The following ELK4 variants were observed in gnomAD, a reference collection of about 807,000 sequenced individuals.
The protein encoded by ELK4 is ETS domain-containing protein Elk-4.
A neutral mutation model predicts 29.6 loss-of-function variants in ELK4; 16 were observed. That is an observed-to-expected ratio of 0.54 (90% CI 0.37 to 0.82). ELK4 has a LOEUF of 0.82. Ranked by LOEUF, ELK4 falls within the 40% of genes least tolerant of loss-of-function variation. The pLI, the probability that ELK4 is intolerant of heterozygous loss-of-function variation, is 0.00. For missense variants in ELK4, 465 were observed against 507.1 expected, an observed-to-expected ratio of 0.92 and a Z score of 0.80; for synonymous variants, 213 against 191.1, an observed-to-expected ratio of 1.11 and a Z score of -0.95.
At chr1:205,631,083 T>A (rs1453493953) in intron 1 of ELK4, among the ~76,000 whole-genome samples, 4 of 152,132 alleles carry the variant, frequency 2.6e-5, no homozygotes, top group African/African-American at 4.8e-5. Context: ...TTCCCAGGAA[T>A]GAAGTTACCA....
chr1:205,619,530 G>A, intron 3 of ELK4: 1 of 1,115,790 alleles, frequency 9.0e-7, no homozygotes, highest in Non-Finnish European at 1.1e-6. Context: ...TATGAGATGA[G>A]CAAGTTAATA....
chr1:205,609,176 C>T lies in ELK4; in HGVS notation c.*7370G>A, dbSNP rs753354049. The stretch of plus-strand genomic sequence containing the variant: ...TAGGAAGGTCTTCTTTAAAGAAGAT[C>T]GAGTAGGGCTCATGAAAAATTATTG... On this transcript the variant is annotated 3_prime_UTR_variant, in exon 5 of 5. Transcript: ENST00000357992. The T allele has an allele frequency of 1.6e-5, 3 of 187,770 alleles. No homozygotes were observed. The highest frequency in any genetic ancestry group is 1.1e-5 in the Non-Finnish European group (1 of 89,176). The allele number at this position is 187,770 out of a possible 1,614,324, so 11.6% of individuals were successfully genotyped here.
At chr1:205,618,873 A>T (rs1166895548) in intron 4 of ELK4, 84 bp downstream of exon 4, 9 of 1,014,748 alleles carry the variant, frequency 8.9e-6, no homozygotes, top group Non-Finnish European at 1.3e-5. Context: ...ATAATGATTA[A>T]ACTGAATAGT....
chr1:205,612,982 GA>G lies in ELK4; in HGVS notation c.*3563del. 1 of 203,466 alleles carries G rather than the reference GA, an allele frequency of 4.9e-6. No individual in the cohort carries two copies. Among genetic ancestry groups the G allele is most frequent in the East Asian group, 7.4e-5 (1 of 13,458 alleles). 12.6% of individuals were successfully genotyped at this position (203,466 alleles called of 1,614,324 possible). ...AATTAAACTCATATTTTAACTCTAA[GA>G]AGCTTACGGTTGACCTTTCAAGGGC... On this transcript the variant is annotated 3_prime_UTR_variant, in exon 5 of 5. Transcript: ENST00000357992.
intron 3 of ELK4, chr1:205,619,474 GTTTT>G (rs1326263502): frequency 1.9e-6 from 2 of 1,053,836 alleles, no homozygotes; most frequent in Non-Finnish European, 2.3e-6. Flanking sequence ...CAGCATGTTT[GTTTT>G]TTTTTAATAA....
Position 205,631,370 on chromosome 1 carries a change from G to GA in ELK4, c.-10+261dup, listed in dbSNP as rs1670582238. Among the ~76,000 whole-genome samples, 3 of 150,854 alleles carry GA rather than the reference G, an allele frequency of 2.0e-5. No individual in the cohort carries two copies. The South Asian group carries it at 6.3e-4, about 32-fold the overall frequency. The stretch of plus-strand genomic sequence containing the variant: ...TGCTCCCCTCCTCCCCATCCACGCC[G>GA]AAAAAATCGCCGCCACCTTTCGCCC... On this transcript the variant is annotated intron_variant, in intron 1 of 4. Coordinates refer to ENST00000357992, the MANE Select transcript of ELK4 (RefSeq NM_001973.4).
intron 1 of ELK4, among the ~76,000 whole-genome samples, chr1:205,626,660 T>C (rs1424942133): frequency 6.6e-6 from 1 of 152,172 alleles, no homozygotes; most frequent in Non-Finnish European, 1.5e-5. Context: ...TGGAAGGCTA[T>C]AATCAAGACA....
At chr1:205,619,158 AAAT>A (rs1371567977) in intron 3 of ELK4, 85 bp from the exon 4 acceptor site, 1 of 1,254,882 alleles carries the variant, frequency 8.0e-7, no homozygotes, top group Non-Finnish European at 1.1e-6. Flanking sequence ...ACCCAAACCT[AAAT>A]ATTGCCCTAT....
chr1:205,623,938 C>G lies in ELK4; in HGVS notation c.-9-47G>C, dbSNP rs115489745. On this transcript the variant is annotated intron_variant, in intron 1 of 4. Coordinates refer to ENST00000357992, the MANE Select transcript of ELK4 (RefSeq NM_001973.4). ...ATGTGATAATATTAACAGCCAACAC[C>G]TATTTAACACTGTATGTCATGCACT... 4.4e-4 allele frequency: 676 copies of G among 1,519,942 alleles called. 3 individuals carry two copies. In the African/African-American group the frequency reaches 8.6e-3, roughly 19 times the overall value. The allele number at this position is 1,519,942 out of a possible 1,614,324, so 94.2% of individuals were successfully genotyped here. A position where few individuals can be genotyped will look rare whatever the true frequency, so the allele number is the denominator to read the frequency against.
rs776949540 is a variant in ELK4, at chr1:205,631,637, C to G, written c.-15G>C. The G allele has an allele frequency of 3.1e-6, 1 of 324,172 alleles. No homozygotes were observed. Among genetic ancestry groups the G allele is most frequent in the Non-Finnish European group, 6.4e-6 (1 of 156,358 alleles). The allele number at this position is 324,172 out of a possible 1,614,324, so 20.1% of individuals were successfully genotyped here. On this transcript the variant is annotated 5_prime_UTR_variant, in exon 1 of 5. Coordinates refer to ENST00000357992, the MANE Select transcript of ELK4 (RefSeq NM_001973.4). ...GCGCGGGGCTGACCGCTCACCGACG[C>G]CGCGCGCGGGGCTCCCCCTCGGTCT... is the stretch of plus-strand genomic sequence containing the variant.
rs1175980684 is a variant in ELK4 at position 205,620,534 on chromosome 1, G to A, written c.512C>T (p.Pro171Leu). ...KLFKLIKTENPAEKLAEKKSP... is the reference protein window; with the variant it reads ...KLFKLIKTENLAEKLAEKKSP... ...TTTTTTCTCTGCCAGTTTCTCGGCT[G>A]GATTCTCAGTCTTTATCAATTTGAA... Residue 171 changes from proline to leucine, a missense_variant, in exon 3 of 5, where the codon CCA (proline) becomes CTA (leucine). By Grantham distance (98) the Pro-to-Leu change is moderately conservative. Around this residue, in one of 2 missense-constraint regions of ELK4, gnomAD observed 385 missense variants for 387.5 expected, o/e 0.99. Transcript: ENST00000357992. 1.1e-5 allele frequency: 18 copies of A among 1,614,076 alleles called. No individual in the cohort carries two copies. Among genetic ancestry groups the A allele is most frequent in the Non-Finnish European group, 1.4e-5 (17 of 1,180,046 alleles).
At chr1:205,625,858 T>G in intron 1 of ELK4, 1 of 622,296 alleles carries the variant, frequency 1.6e-6, no homozygotes, top group Non-Finnish European at 2.9e-6. Context: ...TTTGTATTTT[T>G]AGTAGAGGTG....
intron 1 of ELK4, among the ~76,000 whole-genome samples, chr1:205,628,630 C>T (rs892797401): frequency 2.0e-5 from 3 of 152,126 alleles, no homozygotes; most frequent in Non-Finnish European, 4.4e-5. Context: ...CATCTAAAGA[C>T]AAAAACAACA....
At position 205,618,881 on chromosome 1, in the gene ELK4, AG is replaced by A. The variant is rs531140717; in HGVS notation, c.1197+75del. On this transcript the variant is annotated intron_variant, in intron 4 of 4. Transcript: ENST00000357992. ...AAGTTTTATAATGATTAAACTGAAT[AG>A]TGGGACCCTGCCTTTTTGCCTCTTT... The A allele has an allele frequency of 5.8e-3, 6,334 of 1,088,796 alleles. 40 individuals are homozygous for A. Among genetic ancestry groups the A allele is most frequent in the Non-Finnish European group, 6.4e-3 (4,689 of 733,018 alleles). The allele number at this position is 1,088,796 out of a possible 1,614,324, so 67.4% of individuals were successfully genotyped here.
rs751953029 is a variant in ELK4 at position 205,620,662 on chromosome 1, T to A, written c.384A>T (p.Pro128=). Residue 128 remains proline, a synonymous_variant, in exon 3 of 5, where the codon CCA becomes CCT. Coordinates refer to ENST00000357992, the MANE Select transcript of ELK4 (RefSeq NM_001973.4). ...TAGAGGTCTTGGCACCAGGCTGAGG[T>A]GGTTTATCTTTCCCTCCATTCTCCA... ...KDVENGGKDK[P]PQPGAKTSSR... is the part of the protein sequence containing the mutation. The A allele has an allele frequency of 6.2e-7, 1 of 1,614,024 alleles. No homozygotes were observed. Among genetic ancestry groups the A allele is most frequent in the Non-Finnish European group, 8.5e-7 (1 of 1,180,002 alleles).
intron 4 of ELK4, among the ~76,000 whole-genome samples, chr1:205,617,477 T>C (rs1444366727): frequency 6.6e-6 from 1 of 152,100 alleles, no homozygotes; most frequent in Non-Finnish European, 1.5e-5. Flanking sequence ...TTTCCTAACG[T>C]CTTGGTGAAG....
At chr1:205,621,598 C>T (rs950582811) in intron 2 of ELK4, among the ~76,000 whole-genome samples, 3 of 152,106 alleles carry the variant, frequency 2.0e-5, no homozygotes, top group African/African-American at 7.2e-5. Flanking sequence ...CAGCTCACTG[C>T]AACCTCTGCC....
chr1:205,626,599 T>C (rs1314916304), intron 1 of ELK4, among the ~76,000 whole-genome samples: 1 of 152,128 alleles, frequency 6.6e-6, no homozygotes, highest in Non-Finnish European at 1.5e-5. Flanking sequence ...CATAATTAGT[T>C]ATTAGGGAAC....
rs906803696 is a variant in ELK4 at position 205,621,704 on chromosome 1, A to G, written c.208-866T>C. Among the ~76,000 whole-genome samples, 19 of 152,102 alleles carry G rather than the reference A, an allele frequency of 1.2e-4. 1 individual carries two copies. The South Asian group carries it at 3.9e-3, about 32-fold the overall frequency. On this transcript the variant is annotated intron_variant, in intron 2 of 4. Transcript: ENST00000357992. ...CCAGCTAATTTTGTATTTTTAGTAG[A>G]GATGGGGTTTTGCCATGTTGGCCAG...
Sources: allele counts gnomAD v4.1 joint callset (sites outside exome capture counted in the v4.1 genomes callset), GRCh38; gene constraint gnomAD v4.1.1; regional missense constraint gnomAD v4.1.1; transcripts MANE v1.5; gene names NCBI Gene and HGNC (gene_info 2026-07-23, HGNC 2026-07-21).